Variants in UBE2H observed in about 807,000 individuals in gnomAD.
The protein encoded by UBE2H is ubiquitin conjugating enzyme E2 H.
In UBE2H, 3 loss-of-function variants were observed where a neutral mutation model predicts 29.0. The ratio of observed to expected loss-of-function variants is 0.10; its 90% CI spans 0.05 to 0.27. UBE2H has a LOEUF of 0.27. UBE2H is among the 10% of genes least tolerant of loss of function. UBE2H has a pLI of 1.00. For synonymous variants in UBE2H, 69 were observed against 82.9 expected (o/e 0.83, Z 0.91); for missense variants, 68 against 228.2 (o/e 0.30, Z 4.52).
intron 1 of UBE2H, among the ~76,000 whole-genome samples, chr7:129,911,019 T>G (rs567162949): frequency 6.6e-6 from 1 of 151,974 alleles, no homozygotes; most frequent in Admixed American, 6.6e-5. Context: ...CCCGAGGCCC[T>G]GAATCAAACA....
rs543179584 is a variant in UBE2H, at chr7:129,914,018, C to G, written c.54-33047G>C. On this transcript the variant is annotated intron_variant, in intron 1 of 6. Transcript: ENST00000355621. The stretch of plus-strand genomic sequence containing the variant: ...TCCCCACTTGGAACTCAATGCATAT[C>G]TTGGAAGCCAGATTGGTGTCAGCAG... Among the ~76,000 whole-genome samples, 3 of 152,258 alleles carry G rather than the reference C, an allele frequency of 2.0e-5. No homozygotes were observed. In the East Asian group the frequency reaches 5.8e-4, roughly 29 times the overall value.
intron 3 of UBE2H, among the ~76,000 whole-genome samples, chr7:129,868,918 C>T (rs144583850): frequency 1.7e-3 from 242 of 144,982 alleles, no homozygotes; most frequent in African/African-American, 5.8e-3. Flanking sequence ...TCCTGACACC[C>T]GGGTCTCTCT....
intron 5 of UBE2H, among the ~76,000 whole-genome samples, chr7:129,849,659 A>G (rs1805573838): frequency 6.6e-6 from 1 of 152,194 alleles, no homozygotes; most frequent in Non-Finnish European, 1.5e-5. Flanking sequence ...ACCTGTTTTG[A>G]GGGCACACAG....
At position 129,936,802 on chromosome 7, in the gene UBE2H, A is replaced by AG. The variant is rs202138255; in HGVS notation, c.53+15700dup. Among the ~76,000 whole-genome samples the AG allele has an allele frequency of 9.3e-3, 1,229 of 132,206 alleles. 15 individuals carry two copies. The highest frequency in any genetic ancestry group is 0.035 in the African/African-American group (1,161 of 33,252). The allele number at this position is 132,206 out of a possible 152,430, so 86.7% of individuals were successfully genotyped here. ...AACATGGTGAAACCCCGTCTCTACTAGGAAAAAAAAAAAAAAAAAAAAAAA... is the reference window on the plus strand; with the variant it reads ...AACATGGTGAAACCCCGTCTCTACTAGGGAAAAAAAAAAAAAAAAAAAAAAA... On this transcript the variant is annotated intron_variant, in intron 1 of 6. Coordinates refer to ENST00000355621, the MANE Select transcript of UBE2H (RefSeq NM_003344.4).
At chr7:129,933,329 A>G (rs1197364444) in intron 1 of UBE2H, among the ~76,000 whole-genome samples, 2 of 152,216 alleles carry the variant, frequency 1.3e-5, no homozygotes, top group African/African-American at 4.8e-5. Context: ...CCCTTTTAGA[A>G]CTTCTAAATT....
chr7:129,933,535 G>A (rs1807451016), intron 1 of UBE2H, among the ~76,000 whole-genome samples: 1 of 152,058 alleles, frequency 6.6e-6, no homozygotes, highest in Admixed American at 6.6e-5. Context: ...ATCTGAAAAC[G>A]GCATTGAATA....
At chr7:129,884,592 ATTTTT>A (rs760022598) in intron 1 of UBE2H, among the ~76,000 whole-genome samples, 2 of 133,618 alleles carry the variant, frequency 1.5e-5, no homozygotes, top group East Asian at 2.1e-4. Flanking sequence ...ACGAATTACT[ATTTTT>A]TTTTTTTTTT....
chr7:129,934,056 T>C (rs1330607335), intron 1 of UBE2H, among the ~76,000 whole-genome samples: 1 of 152,190 alleles, frequency 6.6e-6, no homozygotes, highest in Non-Finnish European at 1.5e-5. Context: ...GCACAGTCAC[T>C]CATGCCTGTA....
At chr7:129,862,156 T>C (rs186398024) in intron 3 of UBE2H, among the ~76,000 whole-genome samples, 8 of 152,164 alleles carry the variant, frequency 5.3e-5, no homozygotes, top group Admixed American at 5.2e-4. Flanking sequence ...TTCTGATGAG[T>C]GGGGAACAAT....
At chr7:129,876,120 A>G (rs1466109276) in intron 3 of UBE2H, among the ~76,000 whole-genome samples, 6 of 152,214 alleles carry the variant, frequency 3.9e-5, no homozygotes, top group African/African-American at 1.4e-4. Flanking sequence ...TCTCCTAACC[A>G]GTAAAGATCT....
At chr7:129,913,308 T>C (rs1806977943) in intron 1 of UBE2H, among the ~76,000 whole-genome samples, 1 of 150,182 alleles carries the variant, frequency 6.7e-6, no homozygotes, top group South Asian at 2.1e-4. Context: ...AGGATTTAAA[T>C]TACAAGGCAA....
intron 1 of UBE2H, among the ~76,000 whole-genome samples, chr7:129,902,928 T>C (rs1441216980): frequency 6.6e-6 from 1 of 152,218 alleles, no homozygotes; most frequent in Non-Finnish European, 1.5e-5. Flanking sequence ...AACCCTATCA[T>C]GCAAGTATTG....
intron 3 of UBE2H, among the ~76,000 whole-genome samples, chr7:129,875,341 TA>T (rs1231185495): frequency 1.3e-5 from 2 of 152,320 alleles, no homozygotes; most frequent in African/African-American, 4.8e-5. Context: ...GACTAATGGG[TA>T]AAACATTTTA....
At chr7:129,939,069 G>A (rs1003935930) in intron 1 of UBE2H, among the ~76,000 whole-genome samples, 9 of 152,178 alleles carry the variant, frequency 5.9e-5, no homozygotes, top group African/African-American at 1.9e-4. Flanking sequence ...AAAGTGCTAC[G>A]ATTACAGGCA....
chr7:129,870,983 G>A (rs1364368094), intron 3 of UBE2H, among the ~76,000 whole-genome samples: 2 of 152,096 alleles, frequency 1.3e-5, no homozygotes, highest in Admixed American at 6.6e-5. Flanking sequence ...GTTTTGTTTT[G>A]TTTTTAATCT....
intron 3 of UBE2H, among the ~76,000 whole-genome samples, chr7:129,860,955 C>A (rs907368881): frequency 1.3e-5 from 2 of 152,148 alleles, no homozygotes; most frequent in African/African-American, 4.8e-5. Context: ...GGCACGGTGG[C>A]TCATGCATGT....
At chr7:129,840,744 T>C (rs537826322) in intron 5 of UBE2H, among the ~76,000 whole-genome samples, 1 of 152,360 alleles carries the variant, frequency 6.6e-6, no homozygotes, top group African/African-American at 2.4e-5. Flanking sequence ...ATATAAAACA[T>C]TCCTGTTTCT....
At chr7:129,945,177 T>C (rs1807738415) in intron 1 of UBE2H, among the ~76,000 whole-genome samples, 1 of 152,232 alleles carries the variant, frequency 6.6e-6, no homozygotes, top group Admixed American at 6.5e-5. Context: ...GTCTCCTCTC[T>C]TGATAAGGAT....
intron 1 of UBE2H, among the ~76,000 whole-genome samples, chr7:129,891,953 C>CTTTTTTTTTTTTTTTT (rs753851134): frequency 7.9e-6 from 1 of 127,138 alleles, no homozygotes; most frequent in Non-Finnish European, 1.6e-5. Context: ...CATGCTACAC[C>CTTTTTTTTTTTTTTTT]TTTTTTTTTT....
Sources: allele counts gnomAD v4.1 joint callset (sites outside exome capture counted in the v4.1 genomes callset), GRCh38; gene constraint gnomAD v4.1.1; transcripts MANE v1.5; gene names NCBI Gene and HGNC (gene_info 2026-07-23, HGNC 2026-07-21).